Variants in PDCD11 observed in about 807,000 individuals in gnomAD.
The protein encoded by PDCD11 is protein RRP5 homolog.
A neutral mutation model predicts 198.9 loss-of-function variants in PDCD11; 97 were observed. The observed-to-expected ratio is 0.49, with a 90% CI of 0.41 to 0.58. PDCD11 has a LOEUF of 0.58. Ranked by LOEUF, PDCD11 falls within the 20% of genes least tolerant of loss-of-function variation. The pLI is 0.00. For synonymous variants in PDCD11, 893 were observed against 918.0 expected (o/e 0.97, Z 0.49); for missense variants, 2,102 against 2,312.7 (o/e 0.91, Z 1.87).
chr10:103,399,237 A>G (rs2093452020), intron 2 of PDCD11, among the ~76,000 whole-genome samples: 1 of 150,700 alleles, frequency 6.6e-6, no homozygotes, highest in Non-Finnish European at 1.5e-5. Context: ...TTTGTTAGAG[A>G]TGGGGTTTCA....
Position 103,403,207 on chromosome 10 carries a change from C to G in PDCD11, c.324C>G (p.Gly108=). 1 of 1,614,152 alleles carries G rather than the reference C, an allele frequency of 6.2e-7. No homozygotes were observed. The highest frequency in any genetic ancestry group is 8.5e-7 in the Non-Finnish European group (1 of 1,179,988). ...LVISLPNGLQ[G]FVQVTEICDA... ...TTAGTCTCCCCAATGGCCTCCAGGG[C>G]TTTGTGCAAGTCACTGAAATCTGTG... The change falls in exon 4 of 36, where the codon GGC becomes GGG. Residue 108 remains glycine, a synonymous_variant. Coordinates refer to ENST00000369797, the MANE Select transcript of PDCD11 (RefSeq NM_014976.2).
chr10:103,414,923 G>C (rs572209226), intron 11 of PDCD11, 82 bp from the exon 12 acceptor site: 1 of 1,476,726 alleles, frequency 6.8e-7, no homozygotes, highest in Admixed American at 1.7e-5. Context: ...CTGTGAAGGG[G>C]AGGTATGACA....
Position 103,417,775 on chromosome 10 carries a change from G to C in PDCD11, c.1771-17G>C. ...TTGCTGGGAGGAGTTGGCCAAGCCT[G>C]TGTGGTTTCTTGCCAGGTGGTGAAG... On this transcript the variant is annotated splice_polypyrimidine_tract_variant and intron_variant, in intron 13 of 35. Transcript: ENST00000369797. 6.2e-7 allele frequency: 1 copy of C among 1,612,734 alleles called. No homozygotes were observed. Among genetic ancestry groups the C allele is most frequent in the Non-Finnish European group, 8.5e-7 (1 of 1,179,602 alleles).
At chr10:103,424,736 A>G (rs2031608276) in intron 19 of PDCD11, among the ~76,000 whole-genome samples, 3 of 152,166 alleles carry the variant, frequency 2.0e-5, no homozygotes, top group African/African-American at 4.8e-5. Context: ...GGGTCTTGCA[A>G]TTTAAATTCA....
chr10:103,441,446 G>A (rs2032380913), intron 30 of PDCD11, among the ~76,000 whole-genome samples: 1 of 152,160 alleles, frequency 6.6e-6, no homozygotes, highest in African/African-American at 2.4e-5. Context: ...GTAGAGAGGG[G>A]GTTTCGCCAT....
intron 7 of PDCD11, 142 bp from the exon 8 acceptor site, chr10:103,409,557 A>G: frequency 1.6e-6 from 1 of 619,036 alleles, no homozygotes; most frequent in Non-Finnish European, 2.9e-6. Flanking sequence ...GTATAGGAAG[A>G]AAAGATTGTT....
chr10:103,431,639 T>TA (rs35327241), intron 21 of PDCD11, among the ~76,000 whole-genome samples: 94,602 of 149,086 alleles, frequency 0.63, 30,219 homozygotes, highest in African/African-American at 0.75. Context: ...CTCATTTTAT[T>TA]AAAAAAAAAA....
At chr10:103,423,791 C>T (rs768484646) in intron 19 of PDCD11, 133 bp downstream of exon 19, 7 of 648,160 alleles carry the variant, frequency 1.1e-5, no homozygotes, top group African/African-American at 1.8e-5. Flanking sequence ...AGGACACCCC[C>T]GGTTTAGACC....
chr10:103,435,782 G>A (rs1322149145), intron 25 of PDCD11, among the ~76,000 whole-genome samples: 1 of 152,158 alleles, frequency 6.6e-6, no homozygotes, highest in Admixed American at 6.5e-5. Context: ...CAAAGTGGTG[G>A]GATTACAGGC....
chr10:103,441,880 G>C lies in PDCD11; in HGVS notation c.4612G>C (p.Ala1538Pro), dbSNP rs988670015. 4.3e-6 allele frequency: 7 copies of C among 1,614,168 alleles called. No individual in the cohort carries two copies. The highest frequency in any genetic ancestry group is 5.9e-6 in the Non-Finnish European group (7 of 1,180,006). Residue 1538 changes from alanine (A) to proline (P), a missense_variant, in exon 31 of 36, where the codon GCT becomes CCT. Ala to Pro is a conservative substitution (Grantham distance 27, BLOSUM62 -1). Transcript: ENST00000369797. ...APRLQLSSGFAWNVGLDSLTP... is the reference protein window; with the variant it reads ...APRLQLSSGFPWNVGLDSLTP... ...CCGGCTGCAGCTGTCTTCAGGCTTC[G>C]CTTGGAATGTGGGACTAGACTCTCT... is the stretch of plus-strand genomic sequence containing the variant.
At chr10:103,428,043 C>T (rs1399511823) in intron 21 of PDCD11, among the ~76,000 whole-genome samples, 1 of 152,166 alleles carries the variant, frequency 6.6e-6, no homozygotes, top group Non-Finnish European at 1.5e-5. Context: ...CAGTGGCTCA[C>T]GCCTGTAATC....
chr10:103,443,720 C>G (rs1422696955), intron 33 of PDCD11, among the ~76,000 whole-genome samples, 195 bp from the exon 34 acceptor site: 1 of 152,222 alleles, frequency 6.6e-6, no homozygotes, highest in East Asian at 1.9e-4. Flanking sequence ...GGAATCCCCT[C>G]CGTCGTGTTG....
Position 103,400,648 on chromosome 10 carries a change from A to G in PDCD11, c.234+120A>G, listed in dbSNP as rs2029974331. 4.0e-6 allele frequency: 4 copies of G among 998,796 alleles called. No individual in the cohort carries two copies. The Admixed American group carries it at 9.4e-5, about 23-fold the overall frequency. 61.9% of individuals were successfully genotyped at this position (998,796 alleles called of 1,614,324 possible). On this transcript the variant is annotated intron_variant, in intron 3 of 35. Transcript: ENST00000369797. ...TTCCATTTTCCCCTTAATATATTAT[A>G]TTTCATGCGTGTGTGTGTAGAGATG... is the stretch of plus-strand genomic sequence containing the variant.
intron 3 of PDCD11, among the ~76,000 whole-genome samples, chr10:103,401,739 A>T (rs2030079906): frequency 1.3e-5 from 2 of 152,148 alleles, no homozygotes; most frequent in Non-Finnish European, 2.9e-5. Context: ...TAGAAAACTA[A>T]AATTTTTTTT....
intron 11 of PDCD11, 30 bp downstream of exon 11, chr10:103,414,360 G>A (rs1289074508): frequency 6.5e-7 from 1 of 1,547,366 alleles, no homozygotes; most frequent in South Asian, 1.1e-5. Flanking sequence ...ATTAGGTACT[G>A]CCTCACCATC....
chr10:103,435,218 T>C (rs2032102314), intron 25 of PDCD11, among the ~76,000 whole-genome samples: 1 of 152,154 alleles, frequency 6.6e-6, no homozygotes. Flanking sequence ...TATCATTTGA[T>C]ATACTGTTTT....
Position 103,440,293 on chromosome 10 carries a change from T to G in PDCD11, c.4152T>G (p.Leu1384=). 4 of 1,612,584 alleles carry G rather than the reference T, an allele frequency of 2.5e-6. No individual in the cohort carries two copies. The highest frequency in any genetic ancestry group is 3.4e-6 in the Non-Finnish European group (4 of 1,179,458). The change falls in exon 29 of 36, where the codon CTT becomes CTG. Residue 1384 remains leucine, a synonymous_variant. Coordinates refer to ENST00000369797, the MANE Select transcript of PDCD11 (RefSeq NM_014976.2). ...GKLLTARVLR[L]NHQKNLVELS... ...TCCCCATCTTGCTCTGTCATAGCCT[T>G]AACCACCAGAAGAACCTGGTAGAGC...
chr10:103,429,540 C>T (rs913608333), intron 21 of PDCD11, among the ~76,000 whole-genome samples: 1 of 150,124 alleles, frequency 6.7e-6, no homozygotes, highest in African/African-American at 2.5e-5. Context: ...TACAGATGGC[C>T]ATCTTCTCCC....
chr10:103,443,144 T>G (rs2032460134), intron 32 of PDCD11, 21 bp from the exon 33 acceptor site: 2 of 1,556,310 alleles, frequency 1.3e-6, no homozygotes, highest in Non-Finnish European at 8.7e-7. Context: ...GGCGCTCATG[T>G]GCTGACTGCT....
Sources: allele counts gnomAD v4.1 joint callset (sites outside exome capture counted in the v4.1 genomes callset), GRCh38; gene constraint gnomAD v4.1.1; transcripts MANE v1.5; gene names NCBI Gene and HGNC (gene_info 2026-07-23, HGNC 2026-07-21).